Variants in HS3ST3B1 observed in about 807,000 individuals in gnomAD.
HS3ST3B1 encodes the protein heparan sulfate-glucosamine 3-sulfotransferase 3B1, also known as heparan sulfate glucosamine 3-O-sulfotransferase 3B1.
A neutral mutation model predicts 21.3 loss-of-function variants in HS3ST3B1; 13 were observed. That is an observed-to-expected ratio of 0.61 (90% CI 0.40 to 0.97). HS3ST3B1 has a LOEUF of 0.97. HS3ST3B1 is among the 50% of genes least tolerant of loss of function. HS3ST3B1 has a pLI of 0.00. For missense variants in HS3ST3B1, 459 were observed against 554.8 expected, an observed-to-expected ratio of 0.83 and a Z score of 1.73; for synonymous variants, 234 against 254.8, an observed-to-expected ratio of 0.92 and a Z score of 0.78.
At chr17:14,321,449 A>T (rs1909655138) in intron 1 of HS3ST3B1, among the ~76,000 whole-genome samples, 1 of 152,184 alleles carries the variant, frequency 6.6e-6, no homozygotes, top group Non-Finnish European at 1.5e-5. Flanking sequence ...CTGAACCTTT[A>T]GGATCAGCTC....
intron 1 of HS3ST3B1, among the ~76,000 whole-genome samples, chr17:14,338,765 A>G (rs1277234306): frequency 1.2e-4 from 19 of 152,108 alleles, no homozygotes; most frequent in Admixed American, 1.2e-3. Context: ...TTCTTGAAAT[A>G]TCCTTAAACA....
Position 14,334,321 on chromosome 17 carries a change from C to A in HS3ST3B1, c.555-10707C>A, listed in dbSNP as rs73257306. Among the ~76,000 whole-genome samples, 349 of 150,964 alleles carry A rather than the reference C, an allele frequency of 2.3e-3. 2 individuals carry two copies. Among genetic ancestry groups the A allele is most frequent in the African/African-American group, 7.6e-3 (311 of 41,036 alleles). On this transcript the variant is annotated intron_variant, in intron 1 of 1. Coordinates refer to ENST00000360954, the MANE Select transcript of HS3ST3B1 (RefSeq NM_006041.3). ...TTTAAGAGCATTTATAGGTTCACAG[C>A]AAGATTGAAGGGAAGGTACAGATAT...
At chr17:14,308,531 A>G (rs1322731294) in intron 1 of HS3ST3B1, among the ~76,000 whole-genome samples, 1 of 152,190 alleles carries the variant, frequency 6.6e-6, no homozygotes, top group Non-Finnish European at 1.5e-5. Context: ...TGCCTCCCAA[A>G]GATTGCTGTT....
At chr17:14,326,930 A>G (rs1349052099) in intron 1 of HS3ST3B1, among the ~76,000 whole-genome samples, 1 of 150,762 alleles carries the variant, frequency 6.6e-6, no homozygotes, top group Non-Finnish European at 1.5e-5. Flanking sequence ...TCAAAAAAAA[A>G]AAAAAAAAAA....
intron 1 of HS3ST3B1, among the ~76,000 whole-genome samples, chr17:14,310,699 C>A (rs778605740): frequency 1.3e-5 from 2 of 152,188 alleles, no homozygotes; most frequent in African/African-American, 4.8e-5. Flanking sequence ...CTCTCCCTGC[C>A]GGTCCTGGCC....
chr17:14,305,650 C>G (rs922838780), intron 1 of HS3ST3B1: 1 of 152,200 alleles, frequency 6.6e-6, no homozygotes, highest in Admixed American at 6.5e-5. Flanking sequence ...GCGGCAGAAA[C>G]TCCCTCTACC....
In HS3ST3B1 at chr17:14,345,088, C is replaced by T. The variant is rs768468445; in HGVS notation, c.615C>T (p.Phe205=). Residue 205 remains phenylalanine (F), a synonymous_variant, in exon 2 of 2, where the codon TTC becomes TTT. Transcript: ENST00000360954. ...CCATGGAGAAGACGCCCAGTTACTT[C>T]GTCACGCGGGAGGCCCCTGCGCGCA... is the stretch of plus-strand genomic sequence containing the variant. The part of the protein sequence containing the change: ...QITMEKTPSY[F]VTREAPARIS... 9.5e-6 allele frequency: 15 copies of T among 1,572,844 alleles called. No homozygotes were observed. Among genetic ancestry groups the T allele is most frequent in the Middle Eastern group, 1.7e-4 (1 of 5,946 alleles).
intron 1 of HS3ST3B1, among the ~76,000 whole-genome samples, chr17:14,339,961 G>A (rs72820611): frequency 0.049 from 7,399 of 152,220 alleles, 411 homozygotes; most frequent in Admixed American, 0.16. Context: ...AGGAAGGTGT[G>A]CCCAGTTAGT....
At chr17:14,329,319 A>AAGAC (rs1170640067) in intron 1 of HS3ST3B1, 4 of 84,226 alleles carry the variant, frequency 4.7e-5, no homozygotes, top group Non-Finnish European at 7.2e-5. Context: ...GAAAGAGAGA[A>AAGAC]AGAAAGAAAG....
intron 1 of HS3ST3B1, among the ~76,000 whole-genome samples, chr17:14,313,313 C>T (rs1020298264): frequency 4.6e-5 from 7 of 151,570 alleles, no homozygotes; most frequent in Middle Eastern, 3.2e-3. Context: ...CAACTTTATG[C>T]GCTCCACTGA....
intron 1 of HS3ST3B1, among the ~76,000 whole-genome samples, chr17:14,310,003 G>C (rs1279391715): frequency 2.6e-5 from 4 of 152,198 alleles, no homozygotes; most frequent in South Asian, 4.1e-4. Flanking sequence ...TTTCTCTTTG[G>C]GGGGAAGAAA....
At chr17:14,333,490 A>C (rs562294533) in intron 1 of HS3ST3B1, among the ~76,000 whole-genome samples, 48 of 151,966 alleles carry the variant, frequency 3.2e-4, no homozygotes, top group African/African-American at 8.9e-4. Flanking sequence ...ACAAAAAAAA[A>C]CAGATTTTGT....
At chr17:14,307,188 A>T (rs1909163475) in intron 1 of HS3ST3B1, among the ~76,000 whole-genome samples, 1 of 152,230 alleles carries the variant, frequency 6.6e-6, no homozygotes, top group South Asian at 2.1e-4. Flanking sequence ...ATTAGGTTGC[A>T]GTACATGTCT....
chr17:14,334,426 A>G (rs1312344746), intron 1 of HS3ST3B1, among the ~76,000 whole-genome samples: 1 of 152,172 alleles, frequency 6.6e-6, no homozygotes, highest in Non-Finnish European at 1.5e-5. Flanking sequence ...AATTATAGCC[A>G]GTACAGCCTC....
rs138868707 is a variant in HS3ST3B1 at position 14,344,647 on chromosome 17, T to C, written c.555-381T>C. ...TCATGGACAGTGAAATCTCTGGGAG[T>C]CCCGGGTGCTATAGTTTTAGGAAAG... On this transcript the variant is annotated intron_variant, in intron 1 of 1. Coordinates refer to ENST00000360954, the MANE Select transcript of HS3ST3B1 (RefSeq NM_006041.3). 3.6e-3 allele frequency among the ~76,000 whole-genome samples: 541 copies of C among 151,728 alleles called. 2 individuals carry two copies. Among genetic ancestry groups the C allele is most frequent in the Non-Finnish European group, 5.6e-3 (379 of 67,934 alleles).
intron 1 of HS3ST3B1, chr17:14,329,337 G>GAAAGAAAGAAAA (rs1909912478): frequency 9.9e-6 from 1 of 101,194 alleles, no homozygotes; most frequent in African/African-American, 4.0e-5. Flanking sequence ...AAGAAAGAAA[G>GAAAGAAAGAAAA]AAAGAAAGAA....
chr17:14,301,356 C>G lies in HS3ST3B1; in HGVS notation c.-163C>G, dbSNP rs1166843896. Reference sequence around the variant, plus strand: ...CCGCCGCTACAGCTGCCGCCGCCACCTGGGGAAGAGCAGCAGCAGCAGCGG... The same window carrying G: ...CCGCCGCTACAGCTGCCGCCGCCACGTGGGGAAGAGCAGCAGCAGCAGCGG... On this transcript the variant is annotated 5_prime_UTR_variant, in exon 1 of 2. Coordinates refer to ENST00000360954, the MANE Select transcript of HS3ST3B1 (RefSeq NM_006041.3). 1.8e-6 allele frequency: 1 copy of G among 564,726 alleles called. No homozygotes were observed. Among genetic ancestry groups the G allele is most frequent in the African/African-American group, 2.0e-5 (1 of 50,490 alleles). The allele number at this position is 564,726 out of a possible 1,614,324, so 35.0% of individuals were successfully genotyped here.
chr17:14,329,505 A>G (rs965588651), intron 1 of HS3ST3B1: 2 of 149,932 alleles, frequency 1.3e-5, no homozygotes, highest in African/African-American at 4.9e-5. Context: ...AGAAGGAAAG[A>G]GAGAAGGAGA....
intron 1 of HS3ST3B1, chr17:14,305,373 G>A (rs1456204896): frequency 6.6e-6 from 1 of 152,220 alleles, no homozygotes. Context: ...ACCCCATAGT[G>A]TTTGGGAAAC....
Sources: gnomAD v4.1 joint callset for allele counts (sites outside exome capture counted in the v4.1 genomes callset) on GRCh38, gnomAD v4.1.1 for gene constraint, MANE v1.5 for transcripts, NCBI Gene and HGNC (gene_info 2026-07-23, HGNC 2026-07-21) for gene names.